The following TRPM3 variants were observed in gnomAD, a reference collection of about 807,000 sequenced individuals.
TRPM3 encodes the protein transient receptor potential cation channel subfamily M member 3.
In TRPM3, 77 loss-of-function variants were observed where a neutral mutation model predicts 181.2. The ratio of observed to expected loss-of-function variants is 0.42; its 90% CI spans 0.35 to 0.51. TRPM3 has a LOEUF of 0.51. Among genes scored for constraint, TRPM3 ranks in the 20% least tolerant of loss-of-function variants. The pLI, the probability that TRPM3 is intolerant of heterozygous loss-of-function variation, is 0.01. For missense variants in TRPM3, 1,759 were observed against 2,196.7 expected (o/e 0.80, Z 3.98); for synonymous variants, 745 against 796.4 (o/e 0.94, Z 1.09).
intron 1 of TRPM3, among the ~76,000 whole-genome samples, chr9:71,233,672 GT>G (rs1225831482): frequency 6.6e-6 from 1 of 152,182 alleles, no homozygotes; most frequent in African/African-American, 2.4e-5. Flanking sequence ...GTGAAAATGT[GT>G]TTGAAATCAT....
At chr9:71,146,025 T>C (rs2075385182) in intron 1 of TRPM3, among the ~76,000 whole-genome samples, 1 of 152,232 alleles carries the variant, frequency 6.6e-6, no homozygotes, top group East Asian at 1.9e-4. Context: ...GTTAGGTACA[T>C]ATTTGTTCTT....
chr9:70,570,302 G>GTTTTT (rs142779238), intron 22 of TRPM3, among the ~76,000 whole-genome samples: 11 of 68,396 alleles, frequency 1.6e-4, no homozygotes, highest in Non-Finnish European at 2.0e-4. Flanking sequence ...TATTACTAGA[G>GTTTTT]TTTTTTTTTT....
chr9:70,883,563 A>G (rs2096032865), intron 1 of TRPM3, among the ~76,000 whole-genome samples: 1 of 152,294 alleles, frequency 6.6e-6, no homozygotes, highest in Middle Eastern at 3.4e-3. Context: ...TGCTTTTCCC[A>G]TTCCAATTCT....
intron 1 of TRPM3, among the ~76,000 whole-genome samples, chr9:71,008,116 A>T (rs2097699119): frequency 6.6e-6 from 1 of 152,098 alleles, no homozygotes; most frequent in African/African-American, 2.4e-5. Flanking sequence ...AATAGAAAGG[A>T]TCATAAGAGA....
chr9:70,661,614 C>T (rs1589942092), intron 9 of TRPM3, among the ~76,000 whole-genome samples: 1 of 151,768 alleles, frequency 6.6e-6, no homozygotes, highest in African/African-American at 2.4e-5. Context: ...AATCAATGTA[C>T]AAAAATCAGT....
intron 1 of TRPM3, among the ~76,000 whole-genome samples, chr9:71,406,599 GA>G: frequency 6.6e-6 from 1 of 152,224 alleles, no homozygotes; most frequent in East Asian, 1.9e-4. Context: ...TCTGTTTACG[GA>G]AAAAGCAGTG....
chr9:71,147,090 T>G (rs2075451439), intron 1 of TRPM3, among the ~76,000 whole-genome samples: 2 of 152,156 alleles, frequency 1.3e-5, no homozygotes, highest in African/African-American at 4.8e-5. Context: ...CCAAAAGCAG[T>G]AACACCAACG....
intron 5 of TRPM3, among the ~76,000 whole-genome samples, chr9:70,833,041 T>C (rs896342791): frequency 1.3e-5 from 2 of 152,208 alleles, no homozygotes; most frequent in Admixed American, 1.3e-4. Flanking sequence ...AGTTTTTCCA[T>C]CTATAAATTA....
intron 1 of TRPM3, among the ~76,000 whole-genome samples, chr9:71,118,182 G>A (rs2072850253): frequency 6.6e-6 from 1 of 152,104 alleles, no homozygotes; most frequent in East Asian, 1.9e-4. Flanking sequence ...CTGTCTTTTG[G>A]CTATCATCAT....
intron 1 of TRPM3, among the ~76,000 whole-genome samples, chr9:70,962,990 C>A (rs563725608): frequency 6.6e-6 from 1 of 152,140 alleles, no homozygotes; most frequent in East Asian, 1.9e-4. Context: ...AAACACAAAC[C>A]AGTTGAGCCT....
rs2096206433 is a variant in TRPM3, at chr9:70,891,722, T to C, written c.178-27211A>G. Among the ~76,000 whole-genome samples the C allele has an allele frequency of 1.3e-5, 2 of 152,190 alleles. 1 individual carries two copies. The highest frequency in any genetic ancestry group is 4.1e-4 in the South Asian group (2 of 4,838). On this transcript the variant is annotated intron_variant, in intron 1 of 25. Transcript: ENST00000677713. Reference sequence around the variant, plus strand: ...CTTGGGTTGTTGTATAAAATGAACATGTATTATGTACCATGAGCCACTGTT... The same window carrying C: ...CTTGGGTTGTTGTATAAAATGAACACGTATTATGTACCATGAGCCACTGTT...
intron 5 of TRPM3, among the ~76,000 whole-genome samples, chr9:70,839,297 C>T (rs937621247): frequency 2.6e-5 from 4 of 152,078 alleles, no homozygotes; most frequent in Non-Finnish European, 5.9e-5. Flanking sequence ...AAGACAAATG[C>T]TCTACACTTA....
intron 5 of TRPM3, among the ~76,000 whole-genome samples, chr9:70,841,528 T>C (rs1326330183): frequency 6.7e-6 from 1 of 149,050 alleles, no homozygotes; most frequent in African/African-American, 2.5e-5. Flanking sequence ...ACACCTGCAC[T>C]TATATATTTA....
intron 1 of TRPM3, among the ~76,000 whole-genome samples, chr9:71,401,057 G>A (rs2093330735): frequency 2.0e-5 from 3 of 151,944 alleles, no homozygotes; most frequent in Admixed American, 2.0e-4. Context: ...AATTGGCCAG[G>A]TGTGATGGCA....
At chr9:70,813,111 T>A (rs533375506) in intron 6 of TRPM3, among the ~76,000 whole-genome samples, 10 of 152,334 alleles carry the variant, frequency 6.6e-5, no homozygotes, top group Admixed American at 6.5e-4. Flanking sequence ...TGTGATTTTT[T>A]TTACAAGTGG....
chr9:71,061,627 A>G (rs1246830597), intron 1 of TRPM3, among the ~76,000 whole-genome samples: 9 of 152,078 alleles, frequency 5.9e-5, no homozygotes, highest in Admixed American at 5.9e-4. Context: ...ACCAGTCCCA[A>G]TAAAAATTGA....
chr9:70,621,950 A>T (rs1375153839), intron 14 of TRPM3, among the ~76,000 whole-genome samples: 1 of 152,174 alleles, frequency 6.6e-6, no homozygotes. Context: ...CCTTCACAAC[A>T]TGTAGTATTT....
chr9:70,832,001 A>ATTTATATATAT (rs1564497915), intron 5 of TRPM3, among the ~76,000 whole-genome samples: 1 of 126,066 alleles, frequency 7.9e-6, no homozygotes, highest in South Asian at 2.6e-4. Context: ...ATATATACCT[A>ATTTATATATAT]CTATGTACCC....
chr9:71,100,435 T>C (rs1378067552), intron 1 of TRPM3, among the ~76,000 whole-genome samples: 2 of 152,146 alleles, frequency 1.3e-5, no homozygotes, highest in Non-Finnish European at 2.9e-5. Flanking sequence ...ACTCTAATTT[T>C]AAATCCCAGC....
Sources: gnomAD v4.1 joint callset for allele counts (sites outside exome capture counted in the v4.1 genomes callset) on GRCh38, gnomAD v4.1.1 for gene constraint, MANE v1.5 for transcripts, NCBI Gene and HGNC (gene_info 2026-07-23, HGNC 2026-07-21) for gene names.